Variants in PKD1 observed in about 807,000 individuals in gnomAD.
The protein encoded by PKD1 is polycystin-1.
Under a neutral mutation model 361.7 loss-of-function variants are expected in PKD1, and 81 were observed. The ratio of observed to expected loss-of-function variants is 0.22; its 90% CI spans 0.19 to 0.27. The LOEUF (loss-of-function observed/expected upper bound fraction) is 0.27. Among genes scored for constraint, PKD1 ranks in the 10% least tolerant of loss-of-function variants. The pLI is 1.00. For synonymous variants in PKD1, 3,615 were observed against 2,818.3 expected (o/e 1.28, Z -8.95); for missense variants, 6,399 against 6,118.3 (o/e 1.05, Z -1.53).
intron 30 of PKD1, 27 bp from the exon 31 acceptor site, chr16:2,098,011 G>A (rs368218876): frequency 5.1e-6 from 7 of 1,366,866 alleles, no homozygotes; most frequent in South Asian, 4.7e-5. Flanking sequence ...GTGGTCAGCG[G>A]GCGGCAGCTC....
At position 2,088,875 on chromosome 16, in the gene PKD1, G is replaced by GCT. The variant is rs1354487874; in HGVS notation, c.*851_*852insAG. 2.0e-6 allele frequency: 1 copy of GCT among 487,804 alleles called. No individual in the cohort carries two copies. The highest frequency in any genetic ancestry group is 2.8e-5 in the African/African-American group (1 of 35,580). The allele number at this position is 487,804 out of a possible 1,614,324, so 30.2% of individuals were successfully genotyped here. A position where few individuals can be genotyped will look rare whatever the true frequency, so the allele number is the denominator to read the frequency against. ...GGCCATACAGCACACTCGCGCGTGC[G>GCT]CGCGCGCACACACACACACACACAG... On this transcript the variant is annotated 3_prime_UTR_variant, in exon 46 of 46. Transcript: ENST00000262304.
In PKD1 at chr16:2,115,541, C is replaced by A; in HGVS notation, c.1934G>T (p.Arg645Leu). ...GCAGATGTTGGCTCCAGGGCACCAGCGTCCCCCTGGCATGCACGCGGGGGC... is the reference window on the plus strand; with the variant it reads ...GCAGATGTTGGCTCCAGGGCACCAGAGTCCCCCTGGCATGCACGCGGGGGC... Reference protein sequence around the residue: ...QLAPACMPGGRWCPGANICLP... With the variant: ...QLAPACMPGGLWCPGANICLP... The change falls in exon 10 of 46, where the codon CGC (arginine) becomes CTC (leucine). Residue 645 changes from arginine to leucine, a missense_variant. By Grantham distance (102) the Arg-to-Leu change is moderately radical (BLOSUM62 -2). Coordinates refer to ENST00000262304, the MANE Select transcript of PKD1 (RefSeq NM_001009944.3). The A allele has an allele frequency of 6.3e-7, 1 of 1,589,024 alleles. No homozygotes were observed. Among genetic ancestry groups the A allele is most frequent in the South Asian group, 1.1e-5 (1 of 88,906 alleles).
rs62038821 is a variant in PKD1 at position 2,118,035 on chromosome 16, C to T, written c.957G>A (p.Pro319=). The T allele has an allele frequency of 3.2e-5, 51 of 1,601,120 alleles. No individual in the cohort carries two copies. In the South Asian group the frequency reaches 4.1e-4, roughly 13 times the overall value. Residue 319 remains proline (P), a synonymous_variant, in exon 5 of 46, where the codon CCG becomes CCA. Coordinates refer to ENST00000262304, the MANE Select transcript of PKD1 (RefSeq NM_001009944.3). This position sits in a 1 kb window ranked among gnomAD's most constrained non-coding sequence, Gnocchi z 6.0. ...DGSAEVDAAG[P]AASHRYVLPG... ...GCAGCACATAGCGATGCGAGGCAGC[C>T]GGCCCAGCGGCATCCACCTCGGCGG...
chr16:2,104,989 A>AGGGCTAGGGGAGGGGAGGAGGGGAG (rs1159351987), intron 21 of PKD1, among the ~76,000 whole-genome samples: 1 of 78,806 alleles, frequency 1.3e-5, no homozygotes, highest in African/African-American at 5.1e-5. Context: ...GAGGAGGGGA[A>AGGGCTAGGGGAGGGGAGGAGGGGAG]GGGCTAGGGG....
chr16:2,112,252 G>C (rs1161774718), intron 14 of PKD1, 88 bp downstream of exon 14: 10 of 1,176,014 alleles, frequency 8.5e-6, no homozygotes, highest in Non-Finnish European at 1.2e-5. Context: ...CTGTTGGGGA[G>C]GAAGGGGGGC....
At position 2,107,708 on chromosome 16, in the gene PKD1, G is replaced by A. The variant is rs1396624543; in HGVS notation, c.7065+175C>T. The A allele has an allele frequency of 2.4e-5, 16 of 673,204 alleles. No homozygotes were observed. In the East Asian group the frequency reaches 2.7e-4, roughly 11 times the overall value. The allele number at this position is 673,204 out of a possible 1,614,324, so 41.7% of individuals were successfully genotyped here. On this transcript the variant is annotated intron_variant, in intron 16 of 45. Coordinates refer to ENST00000262304, the MANE Select transcript of PKD1 (RefSeq NM_001009944.3). ...GCTTGAAGACTGTACGTGGAACTGT[G>A]GCAGGTTTGGAAGGAAGCAAAGCTG...
intron 1 of PKD1, among the ~76,000 whole-genome samples, chr16:2,124,434 G>A (rs997194881): frequency 1.1e-4 from 16 of 152,260 alleles, no homozygotes; most frequent in African/African-American, 3.6e-4. Flanking sequence ...GGCTGGCAGG[G>A]CCGGGAAGTC....
At position 2,108,451 on chromosome 16, in the gene PKD1, G is replaced by C. The variant is rs770643642; in HGVS notation, c.6716C>G (p.Thr2239Arg). Residue 2239 changes from threonine (T) to arginine (R), a missense_variant, in exon 15 of 46, where the codon ACG becomes AGG. Physicochemically the swap from Thr to Arg is moderately conservative, Grantham distance 71. Transcript: ENST00000262304. Reference sequence around the variant, plus strand: ...GGCCTGGATGCTCTGTGTCAGTGGCGTGTCCCCAAATGACACGACAAACAC... The same window carrying C: ...GGCCTGGATGCTCTGTGTCAGTGGCCTGTCCCCAAATGACACGACAAACAC... ...CFVFVVSFGD[T>R]PLTQSIQANV... 1 of 1,610,464 alleles carries C rather than the reference G, an allele frequency of 6.2e-7. No individual in the cohort carries two copies. Among genetic ancestry groups the C allele is most frequent in the Non-Finnish European group, 8.5e-7 (1 of 1,179,676 alleles).
In PKD1 at chr16:2,090,395, C is replaced by G; in HGVS notation, c.12334G>C (p.Ala4112Pro). Residue 4112 changes from alanine to proline, a missense_variant, in exon 45 of 46, where the codon GCC becomes CCC. Ala to Pro is a conservative substitution (Grantham distance 27, BLOSUM62 -1). Transcript: ENST00000262304. ...GGCCGGTACAGCTCTCCACGCAAGGCGTGGTAGCGCCAGCGGAGAATAACA... is the reference window on the plus strand; with the variant it reads ...GGCCGGTACAGCTCTCCACGCAAGGGGTGGTAGCGCCAGCGGAGAATAACA... ...GAVILRWRYH[A>P]LRGELYRPAW... 4.3e-6 allele frequency: 7 copies of G among 1,612,686 alleles called. No homozygotes were observed. The highest frequency in any genetic ancestry group is 5.9e-6 in the Non-Finnish European group (7 of 1,179,922).
At chr16:2,093,143 C>T in intron 37 of PKD1, 50 bp from the exon 38 acceptor site, 1 of 1,607,012 alleles carries the variant, frequency 6.2e-7, no homozygotes, top group South Asian at 1.1e-5. Flanking sequence ...CCCACAGTGA[C>T]AGCAGGGCTT....
chr16:2,089,413 T>C lies in PKD1; in HGVS notation c.*314A>G. On this transcript the variant is annotated 3_prime_UTR_variant, in exon 46 of 46. Transcript: ENST00000262304. The stretch of plus-strand genomic sequence containing the variant: ...AGCAGCCTTAGCAGTGGGGGACATC[T>C]GCCCAGGGGGTGGGGCCGGGCACAG... The C allele has an allele frequency of 2.2e-6, 1 of 456,230 alleles. No individual in the cohort carries two copies. The highest frequency in any genetic ancestry group is 4.0e-6 in the Non-Finnish European group (1 of 250,972). The allele number at this position is 456,230 out of a possible 1,614,324, so 28.3% of individuals were successfully genotyped here. A position where few individuals can be genotyped will look rare whatever the true frequency, so the allele number is the denominator to read the frequency against.
At position 2,110,645 on chromosome 16, in the gene PKD1, G is replaced by T. The variant is rs2092478076; in HGVS notation, c.4522C>A (p.Leu1508Ile). 1.2e-6 allele frequency: 2 copies of T among 1,609,926 alleles called. No individual in the cohort carries two copies. The highest frequency in any genetic ancestry group is 1.7e-6 in the Non-Finnish European group (2 of 1,179,326). ...YLWDLGDGGW[L>I]EGPEVTHAYN... Reference sequence around the variant, plus strand: ...GCGTGGGTGACCTCCGGACCCTCGAGCCACCCACCGTCCCCCAGATCCCAC... The same window carrying T: ...GCGTGGGTGACCTCCGGACCCTCGATCCACCCACCGTCCCCCAGATCCCAC... Residue 1508 changes from leucine to isoleucine, a missense_variant, in exon 15 of 46, where the codon CTC (leucine) becomes ATC (isoleucine). Coordinates refer to ENST00000262304, the MANE Select transcript of PKD1 (RefSeq NM_001009944.3).
chr16:2,132,084 C>G (rs1224354876), intron 1 of PKD1: 1 of 151,504 alleles, frequency 6.6e-6, no homozygotes, highest in Non-Finnish European at 1.5e-5. Flanking sequence ...AACCCCGTCT[C>G]TCCTAAAAAT....
Position 2,090,551 on chromosome 16 carries a change from G to C in PKD1, c.12178C>G (p.Gln4060Glu). 1.2e-6 allele frequency: 2 copies of C among 1,609,904 alleles called. No homozygotes were observed. The highest frequency in any genetic ancestry group is 1.7e-6 in the Non-Finnish European group (2 of 1,179,564). ...SCVDSLWSVA[Q>E]ALLVLCPGTG... The stretch of plus-strand genomic sequence containing the variant: ...CCAGGGCACAGCACCAACAGGGCCT[G>C]GGCCACGCTCCAGAGGGAGTCCACA... The change falls in exon 45 of 46, where the codon CAG becomes GAG. Residue 4060 changes from glutamine (Q) to glutamate (E), a missense_variant. Coordinates refer to ENST00000262304, the MANE Select transcript of PKD1 (RefSeq NM_001009944.3).
intron 36 of PKD1, 29 bp from the exon 37 acceptor site, chr16:2,093,767 C>T: frequency 6.4e-7 from 1 of 1,563,332 alleles, no homozygotes; most frequent in Non-Finnish European, 8.7e-7. Context: ...CAGAGGGGTC[C>T]CCCGTGATGG....
chr16:2,132,498 C>T (rs1168757960), intron 1 of PKD1, among the ~76,000 whole-genome samples: 3 of 147,204 alleles, frequency 2.0e-5, no homozygotes, highest in African/African-American at 7.7e-5. Flanking sequence ...TCGCTTGAAC[C>T]AGGGAGTCGG....
chr16:2,096,886 C>T (rs1054068024), intron 34 of PKD1: 9 of 555,986 alleles, frequency 1.6e-5, no homozygotes, highest in South Asian at 9.3e-5. Flanking sequence ...AACGTGGCCC[C>T]GGCCAGCCTC....
rs1279359437 is a variant in PKD1, at chr16:2,114,359, C to T, written c.2664G>A (p.Glu888=). 6.2e-7 allele frequency: 1 copy of T among 1,610,176 alleles called. No homozygotes were observed. The highest frequency in any genetic ancestry group is 8.5e-7 in the Non-Finnish European group (1 of 1,179,630). Residue 888 remains glutamate, a synonymous_variant, in exon 11 of 46, where the codon GAG becomes GAA. Coordinates refer to ENST00000262304, the MANE Select transcript of PKD1 (RefSeq NM_001009944.3). ...CCACTGAGAACAGGGTATCGTTGGT[C>T]TCCCAGGGGCAGCCGGGCACGAAGG... ...VATFVPGCPW[E]TNDTLFSVVA...
chr16:2,098,847 T>TTTTG (rs2091964251), intron 30 of PKD1: 1 of 126,512 alleles, frequency 7.9e-6, no homozygotes. Context: ...TTTTTTTTTT[T>TTTTG]GGAGATGGAG....
Sources: gnomAD v4.1 joint callset for allele counts (sites outside exome capture counted in the v4.1 genomes callset) on GRCh38, gnomAD v4.1.1 for gene constraint, Gnocchi (gnomAD v3.1) non-coding constraint, MANE v1.5 for transcripts, NCBI Gene and HGNC (gene_info 2026-07-23, HGNC 2026-07-21) for gene names.